The following TBC1D22B variants were observed in gnomAD, a reference collection of about 807,000 sequenced individuals.
The protein encoded by TBC1D22B is TBC1 domain family member 22B.
In TBC1D22B, 32 loss-of-function variants were observed where a neutral mutation model predicts 69.1. The observed-to-expected ratio is 0.46, with a 90% CI of 0.35 to 0.62. The LOEUF (loss-of-function observed/expected upper bound fraction) is 0.62, where lower values mean the gene tolerates loss of function less well. Among genes scored for constraint, TBC1D22B ranks in the 20% least tolerant of loss-of-function variants. The pLI, the probability that TBC1D22B is intolerant of heterozygous loss-of-function variation, is 0.00. For missense variants in TBC1D22B, 462 were observed against 630.9 expected (o/e 0.73, Z 2.87); for synonymous variants, 206 against 229.8 (o/e 0.90, Z 0.94).
At chr6:37,270,250 G>A (rs1189499214) in intron 2 of TBC1D22B, among the ~76,000 whole-genome samples, 1 of 152,076 alleles carries the variant, frequency 6.6e-6, no homozygotes, top group Non-Finnish European at 1.5e-5. Flanking sequence ...TCAGGAGTTC[G>A]AGACCAGCCT....
At chr6:37,302,412 A>G (rs1375860503) in intron 8 of TBC1D22B, among the ~76,000 whole-genome samples, 2 of 152,218 alleles carry the variant, frequency 1.3e-5, no homozygotes, top group Non-Finnish European at 2.9e-5. Flanking sequence ...AGGCAATATT[A>G]GTCTAGCTCT....
intron 10 of TBC1D22B, among the ~76,000 whole-genome samples, chr6:37,314,367 A>G (rs932450264): frequency 2.6e-5 from 4 of 152,026 alleles, no homozygotes; most frequent in Non-Finnish European, 5.9e-5. Flanking sequence ...CCTTCACGTT[A>G]TGATGTAACT....
chr6:37,284,573 T>C, intron 6 of TBC1D22B, 109 bp downstream of exon 6: 2 of 1,245,518 alleles, frequency 1.6e-6, no homozygotes, highest in Non-Finnish European at 1.1e-6. Flanking sequence ...CTGTGGTATA[T>C]TGGTTAGGAG....
At position 37,307,357 on chromosome 6, in the gene TBC1D22B, C is replaced by CT. The variant is rs1162970941; in HGVS notation, c.983-5548dup. 4.3e-3 allele frequency among the ~76,000 whole-genome samples: 586 copies of CT among 137,752 alleles called. 2 individuals carry two copies. The Middle Eastern group carries it at 0.047, about 11-fold the overall frequency. 90.4% of individuals were successfully genotyped at this position (137,752 alleles called of 152,430 possible). A position where few individuals can be genotyped will look rare whatever the true frequency, so the allele number is the denominator to read the frequency against. ...TGAGAAATTTTTTTTTCTTTTTTTT[C>CT]TTTTTTTTTTTTTGAGACAGAGTCT... is the stretch of plus-strand genomic sequence containing the variant. On this transcript the variant is annotated intron_variant, in intron 8 of 12. Transcript: ENST00000373491.
At chr6:37,327,477 C>CTAA in intron 12 of TBC1D22B, among the ~76,000 whole-genome samples, 1 of 52,072 alleles carries the variant, frequency 1.9e-5, no homozygotes, top group Non-Finnish European at 3.2e-5. Context: ...GACTCCGACT[C>CTAA]AAAAAAAAAA....
In TBC1D22B at chr6:37,314,482, G is replaced by A. The variant is rs111670857; in HGVS notation, c.1165+591G>A. Among the ~76,000 whole-genome samples the A allele has an allele frequency of 3.1e-3, 470 of 152,262 alleles. 3 individuals are homozygous for A. Among genetic ancestry groups the A allele is most frequent in the African/African-American group, 0.01 (436 of 41,558 alleles). ...TGTGGGGTGGGGAAATTGAGATGTG[G>A]CTCTTCCTAAGGCACATGTCTTTGA... On this transcript the variant is annotated intron_variant, in intron 10 of 12. Transcript: ENST00000373491.
At chr6:37,311,303 G>A (rs531521447) in intron 8 of TBC1D22B, among the ~76,000 whole-genome samples, 32 of 151,376 alleles carry the variant, frequency 2.1e-4, no homozygotes, top group African/African-American at 7.3e-4. Context: ...CTCTTTAAAC[G>A]GGTGAGAATC....
chr6:37,290,030 G>A (rs536035933), intron 7 of TBC1D22B, among the ~76,000 whole-genome samples: 44 of 152,246 alleles, frequency 2.9e-4, no homozygotes, highest in African/African-American at 1.0e-3. Context: ...CCCGCTGTAG[G>A]CACAACGATC....
intron 8 of TBC1D22B, among the ~76,000 whole-genome samples, chr6:37,307,501 A>G (rs959347684): frequency 2.6e-5 from 4 of 151,772 alleles, no homozygotes; most frequent in African/African-American, 9.7e-5. Context: ...GACTACAGGC[A>G]CCTGCCACCA....
At chr6:37,330,222 C>CTTTTTTTTTTTTTT (rs67372032) in intron 12 of TBC1D22B, among the ~76,000 whole-genome samples, 5 of 75,582 alleles carry the variant, frequency 6.6e-5, no homozygotes, top group Non-Finnish European at 9.6e-5. Context: ...TTGTCCGTTT[C>CTTTTTTTTTTTTTT]TTTTTTTTTT....
chr6:37,287,045 G>A lies in TBC1D22B; in HGVS notation c.840G>A (p.Pro280=), dbSNP rs74511891. The A allele has an allele frequency of 2.6e-5, 42 of 1,603,806 alleles. No individual in the cohort carries two copies. Among genetic ancestry groups the A allele is most frequent in the East Asian group, 1.4e-4 (6 of 43,976 alleles). ...TTCCAAGGACGAATCCTCTCATTCCGTTGTTCCAGCAACCACTTGTACAGG... is the reference window on the plus strand; with the variant it reads ...TTCCAAGGACGAATCCTCTCATTCCATTGTTCCAGCAACCACTTGTACAGG... ...IDIPRTNPLI[P]LFQQPLVQEI... The change falls in exon 7 of 13, where the codon CCG becomes CCA. Residue 280 remains proline (P), a synonymous_variant. Coordinates refer to ENST00000373491, the MANE Select transcript of TBC1D22B (RefSeq NM_017772.4).
At chr6:37,258,929 C>T (rs1297554257) in intron 1 of TBC1D22B, among the ~76,000 whole-genome samples, 2 of 143,266 alleles carry the variant, frequency 1.4e-5, no homozygotes, top group African/African-American at 5.2e-5. Flanking sequence ...AGGTTTTTTC[C>T]TTCTGGGATA....
At chr6:37,279,094 A>G (rs1330525039) in intron 2 of TBC1D22B, among the ~76,000 whole-genome samples, 1 of 152,146 alleles carries the variant, frequency 6.6e-6, no homozygotes, top group East Asian at 1.9e-4. Context: ...ATATTTGGTG[A>G]CCATTGCTGT....
chr6:37,308,439 T>G (rs1767802683), intron 8 of TBC1D22B, among the ~76,000 whole-genome samples: 1 of 152,222 alleles, frequency 6.6e-6, no homozygotes, highest in African/African-American at 2.4e-5. Flanking sequence ...TGTTTGAATT[T>G]TATCCACCCA....
chr6:37,283,054 T>A, intron 5 of TBC1D22B, 102 bp downstream of exon 5: 2 of 904,894 alleles, frequency 2.2e-6, no homozygotes, highest in Non-Finnish European at 3.5e-6. Context: ...TAGACTTCTC[T>A]AGTCCTACTG....
At chr6:37,290,802 AT>A (rs1767154122) in intron 7 of TBC1D22B, among the ~76,000 whole-genome samples, 1 of 151,550 alleles carries the variant, frequency 6.6e-6, no homozygotes, top group Non-Finnish European at 1.5e-5. Context: ...TAGAAAAGGT[AT>A]TTCCTGTCTA....
At chr6:37,328,785 G>A (rs1283689375) in intron 12 of TBC1D22B, among the ~76,000 whole-genome samples, 1 of 152,006 alleles carries the variant, frequency 6.6e-6, no homozygotes, top group Admixed American at 6.6e-5. Flanking sequence ...GGAGTGTAAT[G>A]GCGTGATCTC....
chr6:37,275,862 A>T (rs1332407779), intron 2 of TBC1D22B, among the ~76,000 whole-genome samples: 2 of 151,904 alleles, frequency 1.3e-5, no homozygotes, highest in African/African-American at 2.4e-5. Flanking sequence ...AAATTTACCC[A>T]TCATTGTTTA....
chr6:37,269,480 G>T, intron 1 of TBC1D22B, 114 bp from the exon 2 acceptor site: 1 of 927,590 alleles, frequency 1.1e-6, no homozygotes, highest in South Asian at 1.4e-5. Context: ...ACAGTTATTA[G>T]AGATAACCTA....
Sources: allele counts gnomAD v4.1 joint callset (sites outside exome capture counted in the v4.1 genomes callset), GRCh38; gene constraint gnomAD v4.1.1; transcripts MANE v1.5; gene names NCBI Gene and HGNC (gene_info 2026-07-23, HGNC 2026-07-21).